Variants in ISM2 observed in about 807,000 individuals in gnomAD.
ISM2 encodes isthmin 2, also known as isthmin-2.
In ISM2, 50 loss-of-function variants were observed where a neutral mutation model predicts 58.0. The ratio of observed to expected loss-of-function variants is 0.86; its 90% CI spans 0.69 to 1.09. The LOEUF is 1.09. ISM2 is among the 50% of genes least tolerant of loss of function. The pLI is 0.00. For missense variants in ISM2, 723 were observed against 745.0 expected (o/e 0.97, Z 0.34); for synonymous variants, 303 against 312.4 (o/e 0.97, Z 0.32).
At chr14:77,482,781 C>G in intron 3 of ISM2, 114 bp from the exon 4 acceptor site, 2 of 662,006 alleles carry the variant, frequency 3.0e-6, no homozygotes, top group Non-Finnish European at 2.5e-6. Context: ...TTCCTTCAAA[C>G]CAGCTGTCTT....
rs5809832 is a variant in ISM2, at chr14:77,475,112, GC to G, written c.*482del. The stretch of plus-strand genomic sequence containing the variant: ...GGAGGGGTGGCCACCCAGGCTGGAT[GC>G]CCCCCCCGGCAAAGGATGGCTGTGC... On this transcript the variant is annotated 3_prime_UTR_variant, in exon 7 of 7. Coordinates refer to ENST00000342219, the MANE Select transcript of ISM2 (RefSeq NM_199296.3). The surrounding 1 kb of genome is among the most constrained non-coding windows in gnomAD (Gnocchi z 4.1). 143,443 of 152,494 alleles carry G rather than the reference GC, an allele frequency of 0.94. 68,079 individuals are homozygous for G. Among genetic ancestry groups the G allele is most frequent in the East Asian group, 1 (5,176 of 5,178 alleles). The allele number at this position is 152,494 out of a possible 1,614,324, so 9.4% of individuals were successfully genotyped here. A position where few individuals can be genotyped will look rare whatever the true frequency, so the allele number is the denominator to read the frequency against.
chr14:77,490,890 A>T (rs569302501), intron 1 of ISM2, among the ~76,000 whole-genome samples: 1 of 152,256 alleles, frequency 6.6e-6, no homozygotes, highest in Admixed American at 6.5e-5. Context: ...AGGGATAAGG[A>T]AGGCCATAGC....
intron 1 of ISM2, among the ~76,000 whole-genome samples, chr14:77,491,374 G>A (rs1472051999): frequency 2.0e-5 from 3 of 152,152 alleles, no homozygotes; most frequent in Non-Finnish European, 4.4e-5. Context: ...TCCTCTCTCA[G>A]GTCTCCTCTG....
intron 1 of ISM2, among the ~76,000 whole-genome samples, chr14:77,495,790 C>T (rs1013923406): frequency 1.3e-5 from 2 of 152,152 alleles, no homozygotes; most frequent in Non-Finnish European, 2.9e-5. Context: ...AAGAGCCAGT[C>T]TAAAGGATGC....
Position 77,474,957 on chromosome 14 carries a change from G to C in ISM2, c.*638C>G, listed in dbSNP as rs988730649. The C allele has an allele frequency of 2.0e-5, 3 of 152,358 alleles. No homozygotes were observed. Among genetic ancestry groups the C allele is most frequent in the African/African-American group, 7.2e-5 (3 of 41,470 alleles). 9.4% of individuals were successfully genotyped at this position (152,358 alleles called of 1,614,324 possible). ...CCTGGAGTCCACTTCGCCTCAGCTG[G>C]GCTGGCTTGCAGCCCAAGACTAAAG... On this transcript the variant is annotated 3_prime_UTR_variant, in exon 7 of 7. Transcript: ENST00000342219.
At position 77,498,730 on chromosome 14, in the gene ISM2, C is replaced by A; in HGVS notation, c.64G>T (p.Glu22Ter). 1 of 1,483,018 alleles carries A rather than the reference C, an allele frequency of 6.7e-7. No individual in the cohort carries two copies. Among genetic ancestry groups the A allele is most frequent in the Non-Finnish European group, 8.9e-7 (1 of 1,125,242 alleles). 91.9% of individuals were successfully genotyped at this position (1,483,018 alleles called of 1,614,324 possible). Residue 22 changes from glutamate to a stop codon, truncating the protein, a stop_gained, in exon 1 of 7, where the codon GAG (glutamate) becomes TAG (stop). Coordinates refer to ENST00000342219, the MANE Select transcript of ISM2 (RefSeq NM_199296.3). LOFTEE classifies it high-confidence loss of function. Reference sequence around the variant, plus strand: ...TTCACGGGGAGCCCTAGCGCCGCCTCCAGCAGCGCCGCCAGCAGCAGCACG... The same window carrying A: ...TTCACGGGGAGCCCTAGCGCCGCCTACAGCAGCGCCGCCAGCAGCAGCACG... ...LCVLLLAALL[E>*]AALGLPVKKP...
chr14:77,477,918 C>T lies in ISM2; in HGVS notation c.1198+324G>A, dbSNP rs146053948. Among the ~76,000 whole-genome samples, 443 of 152,288 alleles carry T rather than the reference C, an allele frequency of 2.9e-3. 3 individuals carry two copies. The highest frequency in any genetic ancestry group is 0.01 in the African/African-American group (417 of 41,556). ...CTCCAGACAGAGCCTGCCCAGGAGC[C>T]TCCCAAGAGTAACCAAGGAATGGAA... On this transcript the variant is annotated intron_variant, in intron 6 of 6. Coordinates refer to ENST00000342219, the MANE Select transcript of ISM2 (RefSeq NM_199296.3).
chr14:77,488,717 G>A (rs2139967279), intron 1 of ISM2, among the ~76,000 whole-genome samples: 1 of 152,338 alleles, frequency 6.6e-6, no homozygotes, highest in African/African-American at 2.4e-5. Flanking sequence ...GGCGACAGAT[G>A]GTACTCAGAA....
rs8135 is a variant in ISM2, at chr14:77,474,517, T to C, written c.*1078A>G. ...TGAACAGAGACAGTTGAGACTTCAATATTTCAACCCCATAGAAGGCAAGGA... is the reference window on the plus strand; with the variant it reads ...TGAACAGAGACAGTTGAGACTTCAACATTTCAACCCCATAGAAGGCAAGGA... On this transcript the variant is annotated 3_prime_UTR_variant, in exon 7 of 7. Coordinates refer to ENST00000342219, the MANE Select transcript of ISM2 (RefSeq NM_199296.3). 0.94 allele frequency: 143,273 copies of C among 152,296 alleles called. 68,014 individuals are homozygous for C. Among genetic ancestry groups the C allele is most frequent in the East Asian group, 1 (5,180 of 5,180 alleles). The allele number at this position is 152,296 out of a possible 1,614,324, so 9.4% of individuals were successfully genotyped here.
intron 3 of ISM2, among the ~76,000 whole-genome samples, chr14:77,483,482 AG>A (rs2079145595): frequency 6.6e-6 from 1 of 151,228 alleles, no homozygotes; most frequent in African/African-American, 2.4e-5. Flanking sequence ...CAGGAGGCAA[AG>A]GTTGCAGGGA....
chr14:77,495,024 C>CG (rs947039769), intron 1 of ISM2, among the ~76,000 whole-genome samples: 25 of 152,058 alleles, frequency 1.6e-4, no homozygotes, highest in African/African-American at 5.8e-4. Context: ...GCTGAGACTA[C>CG]GGGGGGCGCA....
intron 4 of ISM2, among the ~76,000 whole-genome samples, chr14:77,481,259 G>A (rs185138707): frequency 4.6e-5 from 7 of 151,788 alleles, no homozygotes; most frequent in African/African-American, 1.7e-4. Context: ...AGAATCGTCC[G>A]AACCTGGGAG....
intron 1 of ISM2, among the ~76,000 whole-genome samples, chr14:77,486,269 C>CTGACT (rs796121698): frequency 6.6e-6 from 1 of 151,322 alleles, no homozygotes; most frequent in East Asian, 1.9e-4. Context: ...CTCACTCTTA[C>CTGACT]TTTTTTTTCT....
chr14:77,496,571 C>T (rs1280259160), intron 1 of ISM2, among the ~76,000 whole-genome samples: 1 of 151,298 alleles, frequency 6.6e-6, no homozygotes, highest in Admixed American at 6.6e-5. Flanking sequence ...ATCATAAGGT[C>T]AGGAGTTCGA....
In ISM2 at chr14:77,475,432, C is replaced by A; in HGVS notation, c.*163G>T. ...CTTCTCACTAACCCCACTGAGATAT[C>A]TGCTTCGGGGTCGCTGGCAGAGGGC... On this transcript the variant is annotated 3_prime_UTR_variant, in exon 7 of 7. Transcript: ENST00000342219. The surrounding 1 kb of genome is among the most constrained non-coding windows in gnomAD (Gnocchi z 4.1). 1.6e-6 allele frequency: 1 copy of A among 640,466 alleles called. No homozygotes were observed. Among genetic ancestry groups the A allele is most frequent in the Non-Finnish European group, 2.6e-6 (1 of 387,474 alleles). The allele number at this position is 640,466 out of a possible 1,614,324, so 39.7% of individuals were successfully genotyped here. A position where few individuals can be genotyped will look rare whatever the true frequency, so the allele number is the denominator to read the frequency against.
intron 1 of ISM2, among the ~76,000 whole-genome samples, chr14:77,487,538 G>A (rs1423450645): frequency 1.3e-5 from 2 of 152,198 alleles, no homozygotes; most frequent in Non-Finnish European, 2.9e-5. Flanking sequence ...GTGGGCAAAG[G>A]CCAGAGAGGT....
At position 77,475,988 on chromosome 14, in the gene ISM2, A is replaced by G; in HGVS notation, c.1323T>C (p.Pro441=). 6.3e-7 allele frequency: 1 copy of G among 1,592,158 alleles called. No individual in the cohort carries two copies. The highest frequency in any genetic ancestry group is 8.5e-7 in the Non-Finnish European group (1 of 1,174,514). The change falls in exon 7 of 7, where the codon CCT becomes CCC. Residue 441 remains proline, a synonymous_variant. Coordinates refer to ENST00000342219, the MANE Select transcript of ISM2 (RefSeq NM_199296.3). The surrounding 1 kb of genome is among the most constrained non-coding windows in gnomAD (Gnocchi z 4.1). ...CCTGGTGCTCGTCCTGTAGGCTCAC[A>G]GGGCTGTCCATGGCCTCCAGTGGGT... ...CAYPLEAMDS[P]VSLQDEHQGR...
At chr14:77,485,088 C>G (rs74063377) in intron 1 of ISM2, among the ~76,000 whole-genome samples, 169 bp from the exon 2 acceptor site, 16,490 of 152,278 alleles carry the variant, frequency 0.11, 887 homozygotes, top group African/African-American at 0.12. Context: ...AATCTCCACA[C>G]TGCCTGCTTT....
chr14:77,494,024 G>T (rs183194484), intron 1 of ISM2, among the ~76,000 whole-genome samples: 1 of 151,736 alleles, frequency 6.6e-6, no homozygotes, highest in Non-Finnish European at 1.5e-5. Flanking sequence ...TGATCCGCCC[G>T]CCTCGGCCTC....
Sources: gnomAD v4.1 joint callset for allele counts (sites outside exome capture counted in the v4.1 genomes callset) on GRCh38, gnomAD v4.1.1 for gene constraint, Gnocchi (gnomAD v3.1) non-coding constraint, MANE v1.5 for transcripts, NCBI Gene and HGNC (gene_info 2026-07-23, HGNC 2026-07-21) for gene names.